The following PREX1 variants were observed in gnomAD, a reference collection of about 807,000 sequenced individuals.
The protein encoded by PREX1 is phosphatidylinositol 3,4,5-trisphosphate-dependent Rac exchanger 1 protein.
Under a neutral mutation model 198.3 loss-of-function variants are expected in PREX1, and 41 were observed. The ratio of observed to expected loss-of-function variants is 0.21; its 90% CI spans 0.16 to 0.27. PREX1 has a LOEUF of 0.27. Among genes scored for constraint, PREX1 ranks in the 10% least tolerant of loss-of-function variants. The pLI is 1.00. For synonymous variants in PREX1, 843 were observed against 887.2 expected (o/e 0.95, Z 0.89); for missense variants, 1,620 against 2,200.7 (o/e 0.74, Z 5.28).
At chr20:48,841,199 G>A in the PREX1 span, among the ~76,000 whole-genome samples, 3 of 152,322 alleles carry the variant, frequency 2.0e-5, no homozygotes, top group Admixed American at 6.5e-5. Context: ...TTGGATTACC[G>A]ATGGGAGCCA....
At chr20:48,766,535 C>A (rs184762278) in intron 1 of PREX1, among the ~76,000 whole-genome samples, 1 of 152,336 alleles carries the variant, frequency 6.6e-6, no homozygotes, top group East Asian at 1.9e-4. Flanking sequence ...CTCCTGCCCC[C>A]AGGCCTCAGC....
the PREX1 span, among the ~76,000 whole-genome samples, chr20:48,885,160 C>A: frequency 6.6e-6 from 1 of 152,282 alleles, no homozygotes; most frequent in East Asian, 1.9e-4. Context: ...AATAAGGAGT[C>A]TAATACTAGC....
At chr20:48,759,104 G>A (rs1330341478) in intron 1 of PREX1, among the ~76,000 whole-genome samples, 2 of 152,084 alleles carry the variant, frequency 1.3e-5, no homozygotes, top group Non-Finnish European at 2.9e-5. Flanking sequence ...GAGGCTCAAA[G>A]GCTAGAACTA....
chr20:48,791,704 C>T (rs2090339624), intron 1 of PREX1, among the ~76,000 whole-genome samples: 1 of 152,194 alleles, frequency 6.6e-6, no homozygotes, highest in Non-Finnish European at 1.5e-5. Context: ...CCAGCAAAGT[C>T]CTCACCACCA....
intron 1 of PREX1, among the ~76,000 whole-genome samples, chr20:48,775,292 C>T (rs994068694): frequency 9.9e-5 from 15 of 151,830 alleles, no homozygotes; most frequent in African/African-American, 3.1e-4. Context: ...CGAAGCCTTA[C>T]GAAGAAATCA....
intron 1 of PREX1, among the ~76,000 whole-genome samples, chr20:48,762,092 C>T (rs1196584172): frequency 1.3e-5 from 2 of 152,188 alleles, no homozygotes; most frequent in Non-Finnish European, 2.9e-5. Flanking sequence ...GAACCTGCTA[C>T]TTCGCCTTTA....
At chr20:48,705,325 C>T (rs1223242407) in intron 6 of PREX1, among the ~76,000 whole-genome samples, 3 of 152,210 alleles carry the variant, frequency 2.0e-5, no homozygotes, top group South Asian at 2.1e-4. Context: ...ACCAGTCTCA[C>T]GACAAACAGT....
At chr20:48,626,575 T>C (rs762716694) in intron 39 of PREX1, among the ~76,000 whole-genome samples, 1 of 152,052 alleles carries the variant, frequency 6.6e-6, no homozygotes, top group Admixed American at 6.5e-5. Flanking sequence ...GGGAAGCAAT[T>C]GGACAGTGCG....
rs578061542 is a variant in PREX1 at position 48,808,062 on chromosome 20, G to A, written c.219+19580C>T. ...CAAAGATGGCTTTGTCAGTAGGAAA[G>A]GGGAGGGGGGCACTGTTGTCGGAAC... On this transcript the variant is annotated intron_variant, in intron 1 of 39. Transcript: ENST00000371941. Among the ~76,000 whole-genome samples, 12 of 152,310 alleles carry A rather than the reference G, an allele frequency of 7.9e-5. 1 individual carries two copies. Among genetic ancestry groups the A allele is most frequent in the African/African-American group, 2.9e-4 (12 of 41,560 alleles).
chr20:48,678,420 T>C (rs1016461965), intron 13 of PREX1, among the ~76,000 whole-genome samples: 1 of 151,492 alleles, frequency 6.6e-6, no homozygotes, highest in African/African-American at 2.4e-5. Context: ...CAGTGAGCTG[T>C]GATTGCACCA....
chr20:48,648,086 T>A (rs1338018972), intron 25 of PREX1, among the ~76,000 whole-genome samples: 1 of 152,090 alleles, frequency 6.6e-6, no homozygotes, highest in Non-Finnish European at 1.5e-5. Flanking sequence ...GATTTTTTTT[T>A]TATAGAGATA....
In PREX1 at chr20:48,639,750, C is replaced by A; in HGVS notation, c.3904+16G>T. 1 of 1,613,184 alleles carries A rather than the reference C, an allele frequency of 6.2e-7. No homozygotes were observed. Among genetic ancestry groups the A allele is most frequent in the South Asian group, 1.1e-5 (1 of 90,972 alleles). On this transcript the variant is annotated intron_variant, in intron 30 of 39. Coordinates refer to ENST00000371941, the MANE Select transcript of PREX1 (RefSeq NM_020820.4). ...GGCCCCCTCCCCACCATGATGCACC[C>A]TCCCTGCCCACCGACCTTCCACATA...
At chr20:48,746,506 G>A (rs2090108070) in intron 2 of PREX1, among the ~76,000 whole-genome samples, 1 of 152,150 alleles carries the variant, frequency 6.6e-6, no homozygotes. Context: ...CCAGAGGCAG[G>A]CAGGGACACG....
chr20:48,834,721 G>A, the PREX1 span, among the ~76,000 whole-genome samples: 2 of 152,102 alleles, frequency 1.3e-5, no homozygotes, highest in African/African-American at 2.4e-5. Context: ...CACCAGAACT[G>A]GCTAATTTTA....
At chr20:48,839,244 C>G in the PREX1 span, among the ~76,000 whole-genome samples, 1 of 152,072 alleles carries the variant, frequency 6.6e-6, no homozygotes, top group South Asian at 2.1e-4. Context: ...CCGTCAACTG[C>G]ATTAGACTAT....
At chr20:48,661,419 CAA>C (rs1168247790) in intron 15 of PREX1, among the ~76,000 whole-genome samples, 10 of 12,024 alleles carry the variant, frequency 8.3e-4, no homozygotes, top group East Asian at 4.2e-3. Flanking sequence ...AACTCCATCT[CAA>C]AAAAAAAAAA....
chr20:48,817,196 G>A (rs372920466), intron 1 of PREX1, among the ~76,000 whole-genome samples: 3 of 152,276 alleles, frequency 2.0e-5, no homozygotes, highest in South Asian at 2.1e-4. Flanking sequence ...TCAATCTTCG[G>A]AGGGATTGCT....
At chr20:48,834,194 A>C in the PREX1 span, among the ~76,000 whole-genome samples, 1 of 152,068 alleles carries the variant, frequency 6.6e-6, no homozygotes, top group East Asian at 1.9e-4. Context: ...CTGGATTGGG[A>C]GTAAAAGTTG....
chr20:48,683,098 C>A (rs2089762772), intron 10 of PREX1, among the ~76,000 whole-genome samples: 1 of 152,196 alleles, frequency 6.6e-6, no homozygotes, highest in Admixed American at 6.5e-5. Context: ...CTGTCCACCC[C>A]CAGTTCCATT....
Sources: allele counts gnomAD v4.1 joint callset (sites outside exome capture counted in the v4.1 genomes callset), GRCh38; gene constraint gnomAD v4.1.1; transcripts MANE v1.5; gene names NCBI Gene and HGNC (gene_info 2026-07-23, HGNC 2026-07-21).